ASTN1: variants seen among roughly 807,000 people sequenced by gnomAD.
ASTN1 encodes the protein astrotactin-1.
Under a neutral mutation model 140.7 loss-of-function variants are expected in ASTN1, and 41 were observed. The ratio of observed to expected loss-of-function variants is 0.29; its 90% CI spans 0.23 to 0.38. ASTN1 has a LOEUF of 0.38. ASTN1 is among the 10% of genes least tolerant of loss of function. The pLI, the probability that ASTN1 is intolerant of heterozygous loss-of-function variation, is 1.00. For synonymous variants in ASTN1, 640 were observed against 652.2 expected (o/e 0.98, Z 0.29); for missense variants, 1,479 against 1,678.8 (o/e 0.88, Z 2.08).
chr1:177,076,271 T>A (rs1678900645), intron 1 of ASTN1, among the ~76,000 whole-genome samples: 1 of 103,948 alleles, frequency 9.6e-6, no homozygotes. Flanking sequence ...AGAGCGAGAC[T>A]ATGTCTCAAA....
intron 1 of ASTN1, among the ~76,000 whole-genome samples, chr1:177,161,513 A>G (rs1267414730): frequency 6.6e-6 from 1 of 152,188 alleles, no homozygotes; most frequent in African/African-American, 2.4e-5. Context: ...TGACTTGTGC[A>G]TGGTTTAGAA....
intron 2 of ASTN1, among the ~76,000 whole-genome samples, chr1:177,035,181 C>A (rs1464006145): frequency 1.3e-5 from 2 of 152,180 alleles, no homozygotes; most frequent in African/African-American, 4.8e-5. Context: ...AATAACTTGC[C>A]CAACGTCACA....
At chr1:177,018,613 C>T (rs73043531) in intron 7 of ASTN1, among the ~76,000 whole-genome samples, 3,489 of 152,194 alleles carry the variant, frequency 0.023, 156 homozygotes, top group African/African-American at 0.078. Context: ...ATAAAAGCTA[C>T]ATATCTTGAA....
intron 1 of ASTN1, among the ~76,000 whole-genome samples, chr1:177,124,016 G>A (rs766060399): frequency 1.1e-3 from 168 of 152,204 alleles, no homozygotes; most frequent in Non-Finnish European, 5.1e-4. Flanking sequence ...TGATGGAGCC[G>A]TTTTTGAGGA....
At chr1:177,136,927 T>C (rs1682230501) in intron 1 of ASTN1, among the ~76,000 whole-genome samples, 2 of 152,236 alleles carry the variant, frequency 1.3e-5, no homozygotes, top group South Asian at 4.1e-4. Context: ...ATTGACATTT[T>C]GAACCTGATA....
intron 1 of ASTN1, among the ~76,000 whole-genome samples, chr1:177,064,272 A>G (rs955731938): frequency 2.6e-5 from 4 of 152,196 alleles, no homozygotes; most frequent in African/African-American, 4.8e-5. Flanking sequence ...TTAAGTTTTT[A>G]TACTAGGTCT....
At chr1:176,964,149 C>T (rs1320596823) in intron 9 of ASTN1, among the ~76,000 whole-genome samples, 1 of 152,126 alleles carries the variant, frequency 6.6e-6, no homozygotes, top group Non-Finnish European at 1.5e-5. Context: ...AACACCTAAG[C>T]CAGGAATGGC....
intron 12 of ASTN1, among the ~76,000 whole-genome samples, chr1:176,947,773 G>C (rs1321066940): frequency 6.6e-6 from 1 of 152,142 alleles, no homozygotes; most frequent in African/African-American, 2.4e-5. Context: ...TCATTCTCCT[G>C]ACCATGTGTC....
chr1:176,916,609 A>G (rs925275410), intron 16 of ASTN1, among the ~76,000 whole-genome samples: 1 of 152,072 alleles, frequency 6.6e-6, no homozygotes, highest in South Asian at 2.1e-4. Flanking sequence ...ACCTATTGGC[A>G]GTATTTCCTA....
rs993462944 is a variant in ASTN1 at position 177,055,194 on chromosome 1, G to T, written c.471+5884C>A. Among the ~76,000 whole-genome samples the T allele has an allele frequency of 3.9e-4, 60 of 152,334 alleles. 2 individuals are homozygous for T. The highest frequency in any genetic ancestry group is 2.6e-3 in the Admixed American group (40 of 15,298). ...GCATATGAAGTCCACTCTTCCAACT[G>T]TAAATCCAGCGTGTCTTTCTGCTAC... On this transcript the variant is annotated intron_variant, in intron 2 of 22. Coordinates refer to ENST00000361833, the MANE Select transcript of ASTN1 (RefSeq NM_004319.3).
chr1:177,048,204 T>G (rs1314233451), intron 2 of ASTN1, among the ~76,000 whole-genome samples: 1 of 151,832 alleles, frequency 6.6e-6, no homozygotes, highest in Non-Finnish European at 1.5e-5. Context: ...AAGAAAGAGG[T>G]AAAGGCGCTG....
At chr1:176,881,990 T>A (rs1668820835) in intron 20 of ASTN1, among the ~76,000 whole-genome samples, 1 of 152,204 alleles carries the variant, frequency 6.6e-6, no homozygotes, top group Admixed American at 6.5e-5. Flanking sequence ...TACAACGACA[T>A]CACTATGAAT....
intron 2 of ASTN1, 59 bp downstream of exon 2, chr1:177,061,019 C>A (rs1678055983): frequency 2.8e-5 from 39 of 1,409,378 alleles, no homozygotes; most frequent in Non-Finnish European, 3.5e-5. Flanking sequence ...ATACCAAGAC[C>A]CTTAATGTCA....
chr1:176,910,641 C>T lies in ASTN1; in HGVS notation c.2672-15811G>A, dbSNP rs116368532. On this transcript the variant is annotated intron_variant, in intron 16 of 22. Coordinates refer to ENST00000361833, the MANE Select transcript of ASTN1 (RefSeq NM_004319.3). ...GAGTTCATCATCAATGCGTACATCA[C>T]AGAGTGTCTTCACACAAACCTAGAT... Among the ~76,000 whole-genome samples, 1,063 of 152,330 alleles carry T rather than the reference C, an allele frequency of 7.0e-3. 7 individuals carry two copies. Among genetic ancestry groups the T allele is most frequent in the African/African-American group, 0.024 (1,013 of 41,580 alleles).
intron 1 of ASTN1, among the ~76,000 whole-genome samples, chr1:177,062,838 G>A (rs1678165317): frequency 6.6e-6 from 1 of 152,132 alleles, no homozygotes; most frequent in Admixed American, 6.6e-5. Context: ...ACTGTCCCAG[G>A]CACTCAGATA....
chr1:176,889,818 G>A (rs1376785490), intron 17 of ASTN1, among the ~76,000 whole-genome samples: 1 of 152,226 alleles, frequency 6.6e-6, no homozygotes, highest in Non-Finnish European at 1.5e-5. Flanking sequence ...CAGGGTCATA[G>A]GGTGGTGAAA....
chr1:177,071,208 TG>T (rs1230463913), intron 1 of ASTN1, among the ~76,000 whole-genome samples: 1 of 152,172 alleles, frequency 6.6e-6, no homozygotes, highest in African/African-American at 2.4e-5. Flanking sequence ...CTTTAAGACT[TG>T]GCTATGGGGG....
chr1:176,920,904 T>A (rs1363910073), intron 16 of ASTN1, among the ~76,000 whole-genome samples: 1 of 152,232 alleles, frequency 6.6e-6, no homozygotes, highest in Non-Finnish European at 1.5e-5. Flanking sequence ...CTCAAGGTGC[T>A]GCTAATTGAG....
intron 1 of ASTN1, among the ~76,000 whole-genome samples, chr1:177,081,097 CA>C (rs1320821563): frequency 2.0e-5 from 3 of 152,048 alleles, no homozygotes; most frequent in Non-Finnish European, 4.4e-5. Flanking sequence ...AACCTGAAAA[CA>C]AGGTAACTTT....
Sources: allele counts gnomAD v4.1 joint callset (sites outside exome capture counted in the v4.1 genomes callset), GRCh38; gene constraint gnomAD v4.1.1; transcripts MANE v1.5; gene names NCBI Gene and HGNC (gene_info 2026-07-23, HGNC 2026-07-21).